The following CTNNA3 variants were observed in gnomAD, a reference collection of about 807,000 sequenced individuals.
CTNNA3 encodes the protein catenin alpha 3.
A neutral mutation model predicts 95.7 loss-of-function variants in CTNNA3; 76 were observed. That is an observed-to-expected ratio of 0.79 (90% CI 0.66 to 0.96). The LOEUF is 0.96. Among genes scored for constraint, CTNNA3 ranks in the 40% least tolerant of loss-of-function variants. The pLI is 0.00. For missense variants in CTNNA3, 1,191 were observed against 1,089.8 expected, an observed-to-expected ratio of 1.09 and a Z score of -1.31; for synonymous variants, 431 against 374.4, an observed-to-expected ratio of 1.15 and a Z score of -1.74.
intron 13 of CTNNA3, among the ~76,000 whole-genome samples, chr10:66,130,270 C>T (rs1225193087): frequency 2.0e-5 from 3 of 152,130 alleles, no homozygotes; most frequent in Admixed American, 2.0e-4. Flanking sequence ...TTAGAAAGAT[C>T]TCCAGCTCAC....
At chr10:67,242,096 CA>C (rs1467593880) in intron 5 of CTNNA3, among the ~76,000 whole-genome samples, 101 of 152,174 alleles carry the variant, frequency 6.6e-4, no homozygotes, top group Non-Finnish European at 7.3e-5. Context: ...ATATATATTT[CA>C]GGCATATCTT....
intron 5 of CTNNA3, among the ~76,000 whole-genome samples, chr10:67,244,994 A>C (rs1865855993): frequency 6.6e-6 from 1 of 152,102 alleles, no homozygotes. Context: ...AAATCCCATC[A>C]GTTTTACCTT....
chr10:66,460,609 T>C (rs1445160730), intron 11 of CTNNA3, among the ~76,000 whole-genome samples: 1 of 152,056 alleles, frequency 6.6e-6, no homozygotes, highest in African/African-American at 2.4e-5. Flanking sequence ...CTCTCTAGTG[T>C]TTCTGATGAC....
At chr10:66,703,208 GTGTACTAC>G (rs1370715700) in intron 9 of CTNNA3, among the ~76,000 whole-genome samples, 1 of 152,100 alleles carries the variant, frequency 6.6e-6, no homozygotes, top group Non-Finnish European at 1.5e-5. Flanking sequence ...TGTGCCAGGA[GTGTACTAC>G]TGTGTCTTTA....
intron 5 of CTNNA3, among the ~76,000 whole-genome samples, chr10:67,241,617 C>G (rs191648647): frequency 7.9e-5 from 12 of 152,140 alleles, no homozygotes; most frequent in Non-Finnish European, 1.2e-4. Flanking sequence ...AAAGAGCAAA[C>G]AGAATCACTT....
At chr10:67,185,980 C>A (rs932471822) in intron 6 of CTNNA3, among the ~76,000 whole-genome samples, 1 of 144,822 alleles carries the variant, frequency 6.9e-6, no homozygotes, top group South Asian at 2.2e-4. Context: ...GAGCCGAGAT[C>A]ACACCAGTGT....
At chr10:67,440,969 C>T (rs1386437842) in intron 5 of CTNNA3, among the ~76,000 whole-genome samples, 7 of 151,432 alleles carry the variant, frequency 4.6e-5, no homozygotes, top group Non-Finnish European at 1.0e-4. Context: ...GCACCAGGGA[C>T]CAATACTGGC....
At chr10:67,194,206 C>A (rs1297265577) in intron 6 of CTNNA3, among the ~76,000 whole-genome samples, 2 of 151,982 alleles carry the variant, frequency 1.3e-5, no homozygotes, top group Non-Finnish European at 2.9e-5. Context: ...CCAGCAATTG[C>A]ACTTCTTGGT....
At chr10:67,603,939 G>A (rs1843168858) in intron 3 of CTNNA3, among the ~76,000 whole-genome samples, 1 of 152,058 alleles carries the variant, frequency 6.6e-6, no homozygotes, top group Non-Finnish European at 1.5e-5. Flanking sequence ...TTCCATTCAT[G>A]GTATGTGCCC....
intron 15 of CTNNA3, among the ~76,000 whole-genome samples, chr10:65,993,307 G>T (rs995443965): frequency 6.6e-6 from 1 of 152,120 alleles, no homozygotes; most frequent in Non-Finnish European, 1.5e-5. Flanking sequence ...TAAATTTTCT[G>T]TCTAGATGAT....
chr10:67,219,673 G>A lies in CTNNA3; in HGVS notation c.777C>T (p.Ile259=). ...GTTCTGGTGGGGTTGTCATATTCTG[G>A]ATCCCTTGTGAAGCATTTGAAATTA... The part of the protein sequence containing the change: ...LNVISNASQG[I]QNMTTPPEPQ... Residue 259 remains isoleucine, a synonymous_variant, in exon 6 of 18, where the codon ATC becomes ATT. Transcript: ENST00000433211. 1 of 1,614,088 alleles carries A rather than the reference G, an allele frequency of 6.2e-7. No homozygotes were observed. The highest frequency in any genetic ancestry group is 8.5e-7 in the Non-Finnish European group (1 of 1,180,002).
chr10:67,651,909 A>T (rs1191336286), intron 1 of CTNNA3, among the ~76,000 whole-genome samples: 1 of 152,256 alleles, frequency 6.6e-6, no homozygotes, highest in Non-Finnish European at 1.5e-5. Flanking sequence ...TAAAGAGATC[A>T]TCTTTTTACC....
At chr10:67,260,570 A>G (rs1325198757) in intron 5 of CTNNA3, among the ~76,000 whole-genome samples, 1 of 152,238 alleles carries the variant, frequency 6.6e-6, no homozygotes, top group Non-Finnish European at 1.5e-5. Flanking sequence ...CCAAACCATT[A>G]GGCAAGAAGT....
intron 7 of CTNNA3, among the ~76,000 whole-genome samples, chr10:66,975,376 G>A (rs764306066): frequency 2.6e-5 from 4 of 152,202 alleles, no homozygotes; most frequent in Non-Finnish European, 5.9e-5. Flanking sequence ...AGGTAAGGAT[G>A]TACTTGACTT....
chr10:67,592,104 GC>G (rs1842809003), intron 3 of CTNNA3, among the ~76,000 whole-genome samples: 1 of 151,982 alleles, frequency 6.6e-6, no homozygotes, highest in African/African-American at 2.4e-5. Flanking sequence ...ATTGAATGGT[GC>G]TTTTTCCAAG....
chr10:66,853,944 G>A (rs1589335954), intron 7 of CTNNA3, among the ~76,000 whole-genome samples: 2 of 152,014 alleles, frequency 1.3e-5, no homozygotes, highest in Non-Finnish European at 1.5e-5. Context: ...TTGCATAAAC[G>A]TGAAAAGCAG....
chr10:67,607,962 C>T (rs1365539241), intron 2 of CTNNA3, among the ~76,000 whole-genome samples: 2 of 152,072 alleles, frequency 1.3e-5, no homozygotes, highest in African/African-American at 4.8e-5. Flanking sequence ...ATACAATAAA[C>T]ATATAAACAA....
At chr10:67,177,241 A>G (rs1426240995) in intron 7 of CTNNA3, among the ~76,000 whole-genome samples, 1 of 152,142 alleles carries the variant, frequency 6.6e-6, no homozygotes, top group African/African-American at 2.4e-5. Context: ...GAACGTTGAG[A>G]TTCCATTTTA....
At chr10:66,657,508 T>G (rs1203786569) in intron 9 of CTNNA3, among the ~76,000 whole-genome samples, 1 of 152,154 alleles carries the variant, frequency 6.6e-6, no homozygotes, top group African/African-American at 2.4e-5. Flanking sequence ...CCATCCAATC[T>G]GAAGCAAATG....
Sources: allele counts gnomAD v4.1 joint callset (sites outside exome capture counted in the v4.1 genomes callset), GRCh38; gene constraint gnomAD v4.1.1; transcripts MANE v1.5; gene names NCBI Gene and HGNC (gene_info 2026-07-23, HGNC 2026-07-21).